The following ARHGAP20 variants were observed in gnomAD, a reference collection of about 807,000 sequenced individuals.
ARHGAP20 encodes the protein Rho GTPase activating protein 20.
Under a neutral mutation model 73.7 loss-of-function variants are expected in ARHGAP20, and 34 were observed. The ratio of observed to expected loss-of-function variants is 0.46; its 90% CI spans 0.35 to 0.61. The LOEUF (loss-of-function observed/expected upper bound fraction) is 0.61. Ranked by LOEUF, ARHGAP20 falls within the 20% of genes least tolerant of loss-of-function variation. The pLI is 0.00. For synonymous variants in ARHGAP20, 523 were observed against 518.2 expected (o/e 1.01, Z -0.13); for missense variants, 1,314 against 1,420.9 (o/e 0.92, Z 1.21).
intron 2 of ARHGAP20, among the ~76,000 whole-genome samples, chr11:110,649,409 G>A (rs1949300776): frequency 1.3e-5 from 2 of 151,702 alleles, no homozygotes; most frequent in East Asian, 1.9e-4. Flanking sequence ...CCTCTAAATC[G>A]ATCAGGCACA....
rs550553655 is a variant in ARHGAP20, at chr11:110,671,642, A to C, written c.188+18905T>G. On this transcript the variant is annotated intron_variant, in intron 2 of 14. Coordinates refer to ENST00000683387, the MANE Select transcript of ARHGAP20 (RefSeq NM_001384657.1). Reference sequence around the variant, plus strand: ...TAATAGAACTTTTTTAGATTAAAGAATAGGTCAATAACAAAAAAATCAACT... The same window carrying C: ...TAATAGAACTTTTTTAGATTAAAGACTAGGTCAATAACAAAAAAATCAACT... 3.5e-3 allele frequency among the ~76,000 whole-genome samples: 534 copies of C among 152,258 alleles called. 3 individuals carry two copies. The highest frequency in any genetic ancestry group is 0.012 in the African/African-American group (499 of 41,592).
chr11:110,586,410 A>G, intron 11 of ARHGAP20, 85 bp from the exon 12 acceptor site: 1 of 809,786 alleles, frequency 1.2e-6, no homozygotes, highest in Non-Finnish European at 1.9e-6. Flanking sequence ...ATTTTGTTGA[A>G]AAGTTCCCTT....
chr11:110,678,239 C>CA (rs1949971350), intron 2 of ARHGAP20, among the ~76,000 whole-genome samples: 1 of 152,176 alleles, frequency 6.6e-6, no homozygotes, highest in Admixed American at 6.5e-5. Context: ...ATAGGAGTGA[C>CA]AGCTAATGGC....
intron 2 of ARHGAP20, among the ~76,000 whole-genome samples, chr11:110,655,278 A>G (rs1328142105): frequency 6.6e-6 from 1 of 152,160 alleles, no homozygotes; most frequent in African/African-American, 2.4e-5. Context: ...ATTTTAAACT[A>G]TGTGGTACCA....
intron 1 of ARHGAP20, among the ~76,000 whole-genome samples, chr11:110,696,354 AC>A (rs1367483431): frequency 2.6e-5 from 4 of 151,788 alleles, no homozygotes; most frequent in Non-Finnish European, 1.5e-5. Flanking sequence ...AAACCTAACT[AC>A]CAAATTACTA....
chr11:110,590,759 G>A lies in ARHGAP20; in HGVS notation c.1194C>T (p.Phe398=), dbSNP rs1277367328. 5 of 1,613,900 alleles carry A rather than the reference G, an allele frequency of 3.1e-6. No individual in the cohort carries two copies. Among genetic ancestry groups the A allele is most frequent in the East Asian group, 2.2e-5 (1 of 44,894 alleles). The change falls in exon 11 of 15, where the codon TTC becomes TTT. Residue 398 remains phenylalanine, a synonymous_variant. Transcript: ENST00000683387. ...NQKGPLTKGI[F]RQSANVKSCR... ...AGGATTTCACATTGGCTGATTGCCTGAAGATACCTTTGGTGAGAGGTCCTT... is the reference window on the plus strand; with the variant it reads ...AGGATTTCACATTGGCTGATTGCCTAAAGATACCTTTGGTGAGAGGTCCTT...
chr11:110,621,932 T>C (rs183072316), intron 4 of ARHGAP20, among the ~76,000 whole-genome samples: 80 of 152,354 alleles, frequency 5.3e-4, no homozygotes, highest in African/African-American at 1.9e-3. Context: ...CTCTATTTCA[T>C]CTGTGATGAG....
chr11:110,668,971 C>A (rs148792900), intron 2 of ARHGAP20, among the ~76,000 whole-genome samples: 1 of 152,028 alleles, frequency 6.6e-6, no homozygotes, highest in East Asian at 1.9e-4. Flanking sequence ...TAAAAATTAA[C>A]TCAAAATGGA....
chr11:110,673,914 T>A (rs1949878071), intron 2 of ARHGAP20, among the ~76,000 whole-genome samples: 1 of 151,872 alleles, frequency 6.6e-6, no homozygotes, highest in African/African-American at 2.4e-5. Context: ...TCAACTCCAT[T>A]ACTTAATAGT....
At chr11:110,586,177 T>TAA in intron 12 of ARHGAP20, 39 bp downstream of exon 12, 1 of 1,057,478 alleles carries the variant, frequency 9.5e-7, no homozygotes. Context: ...AAAATATTTT[T>TAA]AAAGTATTTT....
At chr11:110,638,591 G>A (rs562409364) in intron 2 of ARHGAP20, among the ~76,000 whole-genome samples, 18 of 152,044 alleles carry the variant, frequency 1.2e-4, no homozygotes, top group Non-Finnish European at 2.2e-4. Context: ...TACTGGGGGT[G>A]GGGTGGGGTG....
chr11:110,623,881 A>G (rs570983937), intron 4 of ARHGAP20, among the ~76,000 whole-genome samples: 1 of 152,228 alleles, frequency 6.6e-6, no homozygotes, highest in Non-Finnish European at 1.5e-5. Flanking sequence ...CACAAAAATA[A>G]CTTGTCAAAC....
In ARHGAP20 at chr11:110,587,487, T is replaced by G. The variant is rs977568531; in HGVS notation, c.1306-1162A>C. On this transcript the variant is annotated intron_variant, in intron 11 of 14. Coordinates refer to ENST00000683387, the MANE Select transcript of ARHGAP20 (RefSeq NM_001384657.1). ...TACTTAGATATCATGTTTATAACAG[T>G]AATATAGAAGCTGTGATAACTTATT... 2.0e-5 allele frequency among the ~76,000 whole-genome samples: 3 copies of G among 152,342 alleles called. No individual in the cohort carries two copies. The East Asian group carries it at 5.8e-4, about 29-fold the overall frequency.
chr11:110,668,649 C>CA (rs972377521), intron 2 of ARHGAP20, among the ~76,000 whole-genome samples: 13 of 150,646 alleles, frequency 8.6e-5, no homozygotes, highest in Non-Finnish European at 1.0e-4. Context: ...ACCCTGTCTC[C>CA]AAAAAAATAA....
At chr11:110,589,282 G>T in intron 11 of ARHGAP20, 1 of 446,040 alleles carries the variant, frequency 2.2e-6, no homozygotes, top group Non-Finnish European at 3.0e-6. Flanking sequence ...CAGATGAGGT[G>T]ACCTTAGCTT....
intron 1 of ARHGAP20, among the ~76,000 whole-genome samples, chr11:110,706,832 A>T (rs1950559507): frequency 6.6e-6 from 1 of 152,184 alleles, no homozygotes; most frequent in African/African-American, 2.4e-5. Context: ...CTCCCTGCCA[A>T]CACAATCTCA....
chr11:110,595,309 A>G (rs1947928620), intron 9 of ARHGAP20, among the ~76,000 whole-genome samples: 3 of 152,184 alleles, frequency 2.0e-5, no homozygotes. Flanking sequence ...CAGGCAGGAG[A>G]AGGAAATAAA....
At chr11:110,648,297 CAA>C (rs1157947198) in intron 2 of ARHGAP20, among the ~76,000 whole-genome samples, 4 of 140,472 alleles carry the variant, frequency 2.8e-5, no homozygotes, top group Non-Finnish European at 6.1e-5. Context: ...ACAAAGTCCT[CAA>C]AGACATATGT....
In ARHGAP20 at chr11:110,580,028, G is replaced by C; in HGVS notation, c.2918C>G (p.Ser973Cys). The change falls in exon 15 of 15, where the codon TCT becomes TGT. Residue 973 changes from serine (S) to cysteine (C), a missense_variant. This residue lies in a region of ARHGAP20 where 641 missense variants were observed against 636.9 expected (regional missense o/e 1.01). Coordinates refer to ENST00000683387, the MANE Select transcript of ARHGAP20 (RefSeq NM_001384657.1). The stretch of plus-strand genomic sequence containing the variant: ...AGCCTGAAAAGTGCAATCTATTGGA[G>C]AGGAAGTCTCAGTGGGTGTAAACAC... ...HSVFTPTETSSPIDCTFQAQR... is the reference protein window; with the variant it reads ...HSVFTPTETSCPIDCTFQAQR... 1.2e-6 allele frequency: 2 copies of C among 1,614,242 alleles called. No individual in the cohort carries two copies. The highest frequency in any genetic ancestry group is 1.7e-6 in the Non-Finnish European group (2 of 1,180,040).
Sources: gnomAD v4.1 joint callset for allele counts (sites outside exome capture counted in the v4.1 genomes callset) on GRCh38, gnomAD v4.1.1 for gene constraint, gnomAD v4.1.1 regional missense constraint, MANE v1.5 for transcripts, NCBI Gene and HGNC (gene_info 2026-07-23, HGNC 2026-07-21) for gene names.